STK32A: variants seen among roughly 807,000 people sequenced by gnomAD.
STK32A encodes serine/threonine kinase 32A, also known as serine/threonine-protein kinase 32A.
STK32A carries 41 observed loss-of-function variants against 53.2 expected under a neutral mutation model. That is an observed-to-expected ratio of 0.77 (90% CI 0.60 to 1.00). STK32A has a LOEUF of 1.00. Among genes scored for constraint, STK32A ranks in the 50% least tolerant of loss-of-function variants. The pLI, the probability that STK32A is intolerant of heterozygous loss-of-function variation, is 0.00. For missense variants in STK32A, 458 were observed against 485.8 expected (o/e 0.94, Z 0.54); for synonymous variants, 166 against 162.8 (o/e 1.02, Z -0.15).
At chr5:147,388,025 A>G (rs1233606033), downstream of STK32A, among the ~76,000 whole-genome samples, 1 of 152,228 alleles carries the variant, frequency 6.6e-6, no homozygotes, top group East Asian at 1.9e-4. Flanking sequence ...GATGTTCTGC[A>G]ACTATGGAAT....
intron 10 of STK32A, among the ~76,000 whole-genome samples, chr5:147,374,224 G>T (rs905110258): frequency 2.1e-5 from 3 of 143,674 alleles, no homozygotes; most frequent in African/African-American, 8.1e-5. Flanking sequence ...GGAGTTTGAG[G>T]CTGCATGAGC....
At chr5:147,312,187 GCCC>G (rs1402648702) in intron 4 of STK32A, among the ~76,000 whole-genome samples, 2 of 152,168 alleles carry the variant, frequency 1.3e-5, no homozygotes, top group Non-Finnish European at 2.9e-5. Flanking sequence ...TGCAACCTCT[GCCC>G]CCCAGGTTCA....
At chr5:147,240,461 G>A (rs1580972218) in intron 2 of STK32A, among the ~76,000 whole-genome samples, 3 of 152,164 alleles carry the variant, frequency 2.0e-5, no homozygotes, top group African/African-American at 4.8e-5. Flanking sequence ...GGAACAGGGA[G>A]GAAAAGAATG....
At position 147,324,036 on chromosome 5, in the gene STK32A, C is replaced by T. The variant is rs150400499; in HGVS notation, c.399C>T (p.Ala133=). The T allele has an allele frequency of 6.2e-5, 99 of 1,609,262 alleles. No homozygotes were observed. In the African/African-American group the frequency reaches 1.0e-3, roughly 16 times the overall value. Reference sequence around the variant, plus strand: ...TCTTCATCTGTGAGCTGGTCATGGCCCTGGACTACCTGCAGAACCAGCGCA... The same window carrying T: ...TCTTCATCTGTGAGCTGGTCATGGCTCTGGACTACCTGCAGAACCAGCGCA... ...VKLFICELVM[A]LDYLQNQRII... The change falls in exon 5 of 13, where the codon GCC becomes GCT. Residue 133 remains alanine (A), a synonymous_variant. Coordinates refer to ENST00000397936, the MANE Select transcript of STK32A (RefSeq NM_001112724.2).
intron 5 of STK32A, among the ~76,000 whole-genome samples, chr5:147,332,995 A>T (rs971680401): frequency 4.6e-5 from 7 of 152,186 alleles, no homozygotes; most frequent in African/African-American, 1.7e-4. Context: ...AGCTTTTAAT[A>T]ATTTCTATAA....
chr5:147,377,322 T>G (rs1757271740), intron 11 of STK32A, among the ~76,000 whole-genome samples: 1 of 152,110 alleles, frequency 6.6e-6, no homozygotes, highest in South Asian at 2.1e-4. Flanking sequence ...ACCTGTTTTG[T>G]GGTTTCCTTC....
intron 7 of STK32A, 148 bp downstream of exon 7, chr5:147,351,302 C>G (rs1414335925): frequency 3.0e-6 from 2 of 655,748 alleles, no homozygotes; most frequent in Non-Finnish European, 5.2e-6. Context: ...GTCTTCTCCA[C>G]TAGCAAGCAC....
chr5:147,356,503 A>T lies in STK32A; in HGVS notation c.563-5014A>T, dbSNP rs192885192. Among the ~76,000 whole-genome samples the T allele has an allele frequency of 1.1e-4, 17 of 152,294 alleles. No homozygotes were observed. The East Asian group carries it at 3.3e-3, about 29-fold the overall frequency. ...GTTGACTGTGAAGCTGGAGACAGTC[A>T]TAGGGGTCTGATGCCAGAGCCCTAA... On this transcript the variant is annotated intron_variant, in intron 7 of 12. Transcript: ENST00000397936.
chr5:147,278,514 G>C (rs1751882454), intron 3 of STK32A, among the ~76,000 whole-genome samples: 1 of 152,130 alleles, frequency 6.6e-6, no homozygotes, highest in Admixed American at 6.6e-5. Flanking sequence ...CCCAGTAATA[G>C]TTATCTTGTT....
intron 4 of STK32A, among the ~76,000 whole-genome samples, chr5:147,294,037 A>T (rs960793303): frequency 1.2e-4 from 18 of 152,190 alleles, no homozygotes; most frequent in African/African-American, 4.3e-4. Flanking sequence ...AACCTATTAC[A>T]ATTTTCTATT....
At chr5:147,274,555 T>C (rs1366087134) in intron 2 of STK32A, among the ~76,000 whole-genome samples, 1 of 152,200 alleles carries the variant, frequency 6.6e-6, no homozygotes, top group Non-Finnish European at 1.5e-5. Context: ...CCCAAATGTA[T>C]TGAAATGATG....
chr5:147,364,826 T>C (rs1349688828), intron 8 of STK32A, among the ~76,000 whole-genome samples: 2 of 152,072 alleles, frequency 1.3e-5, no homozygotes, highest in Non-Finnish European at 2.9e-5. Flanking sequence ...CCAAATACCA[T>C]CATATTGAAG....
intron 4 of STK32A, among the ~76,000 whole-genome samples, chr5:147,323,454 G>A (rs997302694): frequency 1.3e-5 from 2 of 152,128 alleles, no homozygotes; most frequent in African/African-American, 4.8e-5. Flanking sequence ...ATGTTGCTGG[G>A]CAATGATGTT....
chr5:147,276,149 G>A (rs1404926362), intron 2 of STK32A, among the ~76,000 whole-genome samples: 3 of 152,286 alleles, frequency 2.0e-5, no homozygotes, highest in South Asian at 2.1e-4. Context: ...ATGGGTGTAA[G>A]AAAATCATTG....
chr5:147,283,413 A>C (rs1752160264), intron 4 of STK32A, among the ~76,000 whole-genome samples: 1 of 151,912 alleles, frequency 6.6e-6, no homozygotes, highest in Non-Finnish European at 1.5e-5. Flanking sequence ...ACCAAACCCA[A>C]ACCCGGCAGA....
At chr5:147,340,062 TA>T (rs1554106562) in intron 5 of STK32A, among the ~76,000 whole-genome samples, 1 of 152,206 alleles carries the variant, frequency 6.6e-6, no homozygotes, top group Non-Finnish European at 1.5e-5. Flanking sequence ...AAGGCATTTG[TA>T]AACTGTCATG....
intron 6 of STK32A, among the ~76,000 whole-genome samples, chr5:147,346,152 T>C (rs1196482733): frequency 6.6e-6 from 1 of 152,254 alleles, no homozygotes; most frequent in East Asian, 1.9e-4. Context: ...TATGTAGAGC[T>C]GATCTTGTGA....
At chr5:147,246,712 G>A (rs999910012) in intron 2 of STK32A, among the ~76,000 whole-genome samples, 1 of 152,098 alleles carries the variant, frequency 6.6e-6, no homozygotes, top group Non-Finnish European at 1.5e-5. Flanking sequence ...TATTTGTAAT[G>A]TGATTTATAT....
intron 7 of STK32A, among the ~76,000 whole-genome samples, chr5:147,352,399 G>A (rs1011531501): frequency 2.0e-5 from 3 of 152,268 alleles, no homozygotes; most frequent in East Asian, 1.9e-4. Flanking sequence ...TTGGTTTCAC[G>A]TATAGTTGTG....
Sources: allele counts gnomAD v4.1 joint callset (sites outside exome capture counted in the v4.1 genomes callset), GRCh38; gene constraint gnomAD v4.1.1; transcripts MANE v1.5; gene names NCBI Gene and HGNC (gene_info 2026-07-23, HGNC 2026-07-21).